SACM1L: variants seen among roughly 807,000 people sequenced by gnomAD.
SACM1L encodes phosphatidylinositol-3-phosphatase SAC1.
In SACM1L, 32 loss-of-function variants were observed where a neutral mutation model predicts 89.5. That is an observed-to-expected ratio of 0.36 (90% CI 0.27 to 0.48). The LOEUF (loss-of-function observed/expected upper bound fraction) is 0.48. Among genes scored for constraint, SACM1L ranks in the 20% least tolerant of loss-of-function variants. The pLI is 0.99. For missense variants in SACM1L, 543 were observed against 708.5 expected (o/e 0.77, Z 2.65); for synonymous variants, 213 against 232.8 (o/e 0.92, Z 0.77).
At position 45,744,559 on chromosome 3, in the gene SACM1L, G is replaced by A. The variant is rs1377266377; in HGVS notation, c.*890G>A. 6.6e-6 allele frequency: 1 copy of A among 152,540 alleles called. No homozygotes were observed. Among genetic ancestry groups the A allele is most frequent in the Non-Finnish European group, 1.5e-5 (1 of 68,038 alleles). The allele number at this position is 152,540 out of a possible 1,614,324, so 9.4% of individuals were successfully genotyped here. A position where few individuals can be genotyped will look rare whatever the true frequency, so the allele number is the denominator to read the frequency against. On this transcript the variant is annotated 3_prime_UTR_variant, in exon 20 of 20. Coordinates refer to ENST00000389061, the MANE Select transcript of SACM1L (RefSeq NM_014016.5). The stretch of plus-strand genomic sequence containing the variant: ...TTGTTCTAGATTTCATATTGCACTT[G>A]GAGGGTAACAGCTGCTTTTTCACGC...
chr3:45,719,041 G>T (rs1698729602), intron 7 of SACM1L, among the ~76,000 whole-genome samples: 1 of 152,066 alleles, frequency 6.6e-6, no homozygotes, highest in Non-Finnish European at 1.5e-5. Context: ...ATGCTTACCA[G>T]CTGTTACATG....
At chr3:45,692,125 A>G (rs1032399209) in intron 1 of SACM1L, among the ~76,000 whole-genome samples, 41 of 152,118 alleles carry the variant, frequency 2.7e-4, no homozygotes, top group African/African-American at 9.9e-4. Context: ...TTCTCTTTAC[A>G]TACTGGTCAC....
At chr3:45,742,350 C>T (rs1241923119) in intron 19 of SACM1L, among the ~76,000 whole-genome samples, 1 of 152,158 alleles carries the variant, frequency 6.6e-6, no homozygotes, top group Non-Finnish European at 1.5e-5. Context: ...ATGGTAATAT[C>T]TGATTTCTAG....
intron 5 of SACM1L, among the ~76,000 whole-genome samples, 154 bp from the exon 6 acceptor site, chr3:45,712,983 G>C (rs1202141339): frequency 6.6e-6 from 1 of 152,224 alleles, no homozygotes; most frequent in Non-Finnish European, 1.5e-5. Context: ...GCCCACAGGA[G>C]GTACAGATTT....
chr3:45,715,081 C>T lies in SACM1L; in HGVS notation c.577+1002C>T, dbSNP rs111893192. Among the ~76,000 whole-genome samples, 523 of 152,218 alleles carry T rather than the reference C, an allele frequency of 3.4e-3. 4 individuals are homozygous for T. The highest frequency in any genetic ancestry group is 0.011 in the African/African-American group (462 of 41,540). On this transcript the variant is annotated intron_variant, in intron 7 of 19. Coordinates refer to ENST00000389061, the MANE Select transcript of SACM1L (RefSeq NM_014016.5). ...GTAGCTAAGGAGCGATGGGCTATAC[C>T]GTGTAGCCTAGGTGTGTAGTAGGCT...
intron 2 of SACM1L, among the ~76,000 whole-genome samples, chr3:45,704,141 A>G (rs921948771): frequency 3.3e-5 from 5 of 152,204 alleles, no homozygotes; most frequent in Admixed American, 6.5e-5. Context: ...ATAGATAAAT[A>G]CGAAATAATT....
intron 15 of SACM1L, 47 bp from the exon 16 acceptor site, chr3:45,737,725 T>G: frequency 6.3e-7 from 1 of 1,590,576 alleles, no homozygotes; most frequent in Middle Eastern, 1.7e-4. Context: ...TTTAGAACTT[T>G]GTTTGTCATC....
At chr3:45,690,974 A>T (rs568242162) in intron 1 of SACM1L, among the ~76,000 whole-genome samples, 4 of 152,246 alleles carry the variant, frequency 2.6e-5, no homozygotes, top group Non-Finnish European at 5.9e-5. Context: ...AGCGTGGCAA[A>T]GATTGAATAG....
chr3:45,708,406 A>G (rs74507012), intron 4 of SACM1L, among the ~76,000 whole-genome samples: 2,686 of 152,194 alleles, frequency 0.018, 66 homozygotes, highest in African/African-American at 0.062. Context: ...TTTGCTATTT[A>G]AAAATTTTAA....
At position 45,735,351 on chromosome 3, in the gene SACM1L, G is replaced by T; in HGVS notation, c.1217G>T (p.Arg406Leu). ...TNVIQSLLAR[R>L]SLQAQLQRLG... ...GTGATCCAGAGTTTGTTAGCTCGTC[G>T]TTCACTTCAGGCCCAACTTCAGGTG... Residue 406 changes from arginine to leucine, a missense_variant, in exon 14 of 20, where the codon CGT (arginine) becomes CTT (leucine). By Grantham distance (102) the Arg-to-Leu change is moderately radical. Coordinates refer to ENST00000389061, the MANE Select transcript of SACM1L (RefSeq NM_014016.5). 1 of 1,571,402 alleles carries T rather than the reference G, an allele frequency of 6.4e-7. No homozygotes were observed. The highest frequency in any genetic ancestry group is 8.6e-7 in the Non-Finnish European group (1 of 1,162,730).
chr3:45,723,007 A>C, intron 10 of SACM1L, 52 bp downstream of exon 10: 1 of 1,307,064 alleles, frequency 7.7e-7, no homozygotes, highest in Non-Finnish European at 1.1e-6. Context: ...GCTTAATAGC[A>C]TTATAATTTG....
intron 7 of SACM1L, among the ~76,000 whole-genome samples, chr3:45,716,186 T>C (rs935163341): frequency 2.6e-5 from 4 of 152,110 alleles, no homozygotes; most frequent in African/African-American, 9.7e-5. Flanking sequence ...ACTTTAAATG[T>C]GATGGGGCCA....
At chr3:45,711,758 G>T (rs1698537293) in intron 5 of SACM1L, among the ~76,000 whole-genome samples, 1 of 152,176 alleles carries the variant, frequency 6.6e-6, no homozygotes, top group African/African-American at 2.4e-5. Context: ...TTTGTTTTTG[G>T]TTCCTTGATT....
At chr3:45,724,333 G>GTT (rs1491238820) in intron 11 of SACM1L, among the ~76,000 whole-genome samples, 1 of 151,338 alleles carries the variant, frequency 6.6e-6, no homozygotes, top group African/African-American at 2.4e-5. Context: ...GTGTGTGTGT[G>GTT]TTTAATGATA....
chr3:45,709,653 C>G lies in SACM1L; in HGVS notation c.483+6C>G, dbSNP rs1363318121. The G allele has an allele frequency of 6.3e-7, 1 of 1,592,614 alleles. No individual in the cohort carries two copies. The highest frequency in any genetic ancestry group is 1.2e-5 in the South Asian group (1 of 86,520). On this transcript the variant is annotated splice_donor_region_variant and intron_variant, in intron 5 of 19. Coordinates refer to ENST00000389061, the MANE Select transcript of SACM1L (RefSeq NM_014016.5). ...AAATGAGTCTCTTGGAAAGGGTAAG[C>G]TTGATCTTCAATTATTTTTATTTTT...
Position 45,735,379 on chromosome 3 carries a change from A to G in SACM1L, c.1239+6A>G. 1 of 1,494,374 alleles carries G rather than the reference A, an allele frequency of 6.7e-7. No homozygotes were observed. Among genetic ancestry groups the G allele is most frequent in the South Asian group, 1.3e-5 (1 of 74,182 alleles). The allele number at this position is 1,494,374 out of a possible 1,614,324, so 92.6% of individuals were successfully genotyped here. On this transcript the variant is annotated splice_donor_region_variant and intron_variant, in intron 14 of 19. Coordinates refer to ENST00000389061, the MANE Select transcript of SACM1L (RefSeq NM_014016.5). The stretch of plus-strand genomic sequence containing the variant: ...CACTTCAGGCCCAACTTCAGGTGCG[A>G]ATGCTTTTTTTTTTTTTAATTGAAA...
Position 45,735,221 on chromosome 3 carries a change from CA to C in SACM1L, c.1101-11del. The C allele has an allele frequency of 6.2e-7, 1 of 1,600,240 alleles. No individual in the cohort carries two copies. ...CTACTTTGGTATGAGAGTGTTTATA[CA>C]AATATGTTTTAGTTATTTTCTAGTG... On this transcript the variant is annotated splice_polypyrimidine_tract_variant and intron_variant, in intron 13 of 19. Transcript: ENST00000389061.
chr3:45,735,945 C>T (rs959169108), intron 14 of SACM1L, among the ~76,000 whole-genome samples: 1 of 152,122 alleles, frequency 6.6e-6, no homozygotes, highest in Non-Finnish European at 1.5e-5. Context: ...CGGCTTGCTG[C>T]AACCTCTGCC....
At position 45,737,756 on chromosome 3, in the gene SACM1L, T is replaced by C. The variant is rs1320445086; in HGVS notation, c.1310-16T>C. Reference sequence around the variant, plus strand: ...TCATCTTAATAATTATCAGCTGTTTTTACTTTTTTCTACAGCCTGGGCTGA... The same window carrying C: ...TCATCTTAATAATTATCAGCTGTTTCTACTTTTTTCTACAGCCTGGGCTGA... On this transcript the variant is annotated splice_polypyrimidine_tract_variant and intron_variant, in intron 15 of 19. Coordinates refer to ENST00000389061, the MANE Select transcript of SACM1L (RefSeq NM_014016.5). 2 of 1,606,860 alleles carry C rather than the reference T, an allele frequency of 1.2e-6. No homozygotes were observed. Among genetic ancestry groups the C allele is most frequent in the Non-Finnish European group, 1.7e-6 (2 of 1,177,406 alleles).
Sources: gnomAD v4.1 joint callset for allele counts (sites outside exome capture counted in the v4.1 genomes callset) on GRCh38, gnomAD v4.1.1 for gene constraint, MANE v1.5 for transcripts, NCBI Gene and HGNC (gene_info 2026-07-23, HGNC 2026-07-21) for gene names.